NR3C2: variants seen among roughly 807,000 people sequenced by gnomAD.
NR3C2 encodes nuclear receptor subfamily 3 group C member 2, also known as mineralocorticoid receptor.
A neutral mutation model predicts 86.4 loss-of-function variants in NR3C2; 15 were observed. The ratio of observed to expected loss-of-function variants is 0.17; its 90% confidence interval spans 0.12 to 0.27. The LOEUF is 0.27. Ranked by LOEUF, NR3C2 falls within the 10% of genes least tolerant of loss-of-function variation. The pLI is 1.00. For synonymous variants in NR3C2, 458 were observed against 450.5 expected (o/e 1.02, Z -0.21); for missense variants, 960 against 1,195.6 (o/e 0.80, Z 2.91).
chr4:148,111,719 G>A (rs1169404276), intron 8 of NR3C2, among the ~76,000 whole-genome samples: 1 of 152,142 alleles, frequency 6.6e-6, no homozygotes, highest in Non-Finnish European at 1.5e-5. Flanking sequence ...CTAAGTGAAG[G>A]AAGCCAGACC....
At chr4:148,193,933 T>C (rs1025452516) in intron 4 of NR3C2, among the ~76,000 whole-genome samples, 6 of 152,352 alleles carry the variant, frequency 3.9e-5, no homozygotes, top group South Asian at 2.1e-4. Context: ...ATCCCTCCAC[T>C]GATCTTAAAA....
At chr4:148,356,898 A>ACTGT (rs1208224702) in intron 2 of NR3C2, among the ~76,000 whole-genome samples, 1 of 104,808 alleles carries the variant, frequency 9.5e-6, no homozygotes, top group African/African-American at 3.7e-5. Context: ...ACTAAGCACG[A>ACTGT]CTGTGTGTGT....
At chr4:148,238,173 T>G (rs187193517) in intron 3 of NR3C2, among the ~76,000 whole-genome samples, 43 of 152,322 alleles carry the variant, frequency 2.8e-4, no homozygotes, top group Non-Finnish European at 3.8e-4. Context: ...AAGACTGCAA[T>G]CACATGCAAT....
intron 2 of NR3C2, among the ~76,000 whole-genome samples, chr4:148,288,428 ATAAT>A (rs1218675155): frequency 1.3e-5 from 2 of 152,360 alleles, no homozygotes; most frequent in East Asian, 3.9e-4. Context: ...GAAAACCCAC[ATAAT>A]GCCTCTACTC....
In NR3C2 at chr4:148,306,594, G is replaced by A. The variant is rs116414141; in HGVS notation, c.1758-46477C>T. On this transcript the variant is annotated intron_variant, in intron 2 of 8. Transcript: ENST00000358102. ...AAAGCAGTAAAGTTTGAATCCCCCT[G>A]TGGGAACACAATAGAACTCATTCTT... Among the ~76,000 whole-genome samples the A allele has an allele frequency of 3.4e-3, 521 of 152,302 alleles. 2 individuals are homozygous for A. Among genetic ancestry groups the A allele is most frequent in the African/African-American group, 0.012 (489 of 41,560 alleles).
chr4:148,440,515 C>T (rs900192225), intron 1 of NR3C2, among the ~76,000 whole-genome samples: 1 of 152,188 alleles, frequency 6.6e-6, no homozygotes, highest in Non-Finnish European at 1.5e-5. Context: ...ATCTAACTAA[C>T]AAAAATCAGG....
chr4:148,415,133 G>T (rs1748929110), intron 2 of NR3C2, among the ~76,000 whole-genome samples: 1 of 152,058 alleles, frequency 6.6e-6, no homozygotes, highest in Admixed American at 6.5e-5. Flanking sequence ...TAAGTGAAAG[G>T]ATCATTATGT....
chr4:148,183,286 G>A (rs915358617), intron 4 of NR3C2, among the ~76,000 whole-genome samples: 3 of 152,186 alleles, frequency 2.0e-5, no homozygotes, highest in Admixed American at 1.3e-4. Flanking sequence ...AAACATATGT[G>A]TGCATGCGCC....
chr4:148,416,893 A>G (rs1339257067), intron 2 of NR3C2, among the ~76,000 whole-genome samples: 1 of 151,952 alleles, frequency 6.6e-6, no homozygotes, highest in Non-Finnish European at 1.5e-5. Context: ...CTCCTGCCTC[A>G]GCCTCCTGAG....
intron 2 of NR3C2, among the ~76,000 whole-genome samples, chr4:148,341,060 T>C (rs934423940): frequency 3.3e-5 from 5 of 152,160 alleles, no homozygotes; most frequent in South Asian, 4.1e-4. Flanking sequence ...GGAAAACATA[T>C]GGAGACTCCT....
chr4:148,411,670 A>G (rs1167755281), intron 2 of NR3C2, among the ~76,000 whole-genome samples: 1 of 152,224 alleles, frequency 6.6e-6, no homozygotes, highest in Non-Finnish European at 1.5e-5. Flanking sequence ...CCTTCTGGAC[A>G]GTGTCGTCCT....
intron 6 of NR3C2, among the ~76,000 whole-genome samples, chr4:148,148,448 C>T (rs72945916): frequency 0.03 from 4,630 of 152,256 alleles, 250 homozygotes; most frequent in African/African-American, 0.11. Context: ...AAATGTCACC[C>T]CATCACTTAG....
intron 2 of NR3C2, among the ~76,000 whole-genome samples, chr4:148,323,123 T>C (rs12511415): frequency 0.3 from 44,156 of 146,702 alleles, 7,900 homozygotes; most frequent in African/African-American, 0.5. Context: ...TGCAGGTCTG[T>C]TGGAATACCC....
upstream of NR3C2, chr4:148,444,093 C>T: frequency 1.0e-6 from 1 of 985,398 alleles, no homozygotes; most frequent in Non-Finnish European, 1.2e-6. Context: ...GCGAACTGGG[C>T]ATCGATCTCA....
intron 2 of NR3C2, among the ~76,000 whole-genome samples, chr4:148,262,244 C>T (rs1022411804): frequency 6.6e-6 from 1 of 151,916 alleles, no homozygotes; most frequent in Non-Finnish European, 1.5e-5. Flanking sequence ...GGGCCTTGAT[C>T]CCAGTACTAT....
intron 2 of NR3C2, among the ~76,000 whole-genome samples, chr4:148,323,887 C>T (rs946475747): frequency 6.6e-6 from 1 of 152,132 alleles, no homozygotes; most frequent in African/African-American, 2.4e-5. Flanking sequence ...TCCCATTTGG[C>T]CATCTTGGCT....
chr4:148,171,108 C>T (rs1428878253), intron 4 of NR3C2, among the ~76,000 whole-genome samples: 1 of 152,222 alleles, frequency 6.6e-6, no homozygotes, highest in Non-Finnish European at 1.5e-5. Flanking sequence ...TGTGACAGAA[C>T]AGGGCTTCCC....
intron 2 of NR3C2, among the ~76,000 whole-genome samples, chr4:148,373,108 TTTTA>T (rs371483455): frequency 3.1e-4 from 47 of 152,176 alleles, no homozygotes; most frequent in African/African-American, 9.9e-4. Context: ...CCTGAATAAC[TTTTA>T]TTTGTTTGTC....
At chr4:148,111,880 T>C (rs1375559599) in intron 8 of NR3C2, among the ~76,000 whole-genome samples, 1 of 152,154 alleles carries the variant, frequency 6.6e-6, no homozygotes, top group Admixed American at 6.6e-5. Context: ...TCTGGGGTGA[T>C]AGATATATTC....
Sources: gnomAD v4.1 joint callset for allele counts (sites outside exome capture counted in the v4.1 genomes callset) on GRCh38, gnomAD v4.1.1 for gene constraint, MANE v1.5 for transcripts, NCBI Gene and HGNC (gene_info 2026-07-23, HGNC 2026-07-21) for gene names.